Variants in VPS13A observed in about 807,000 individuals in gnomAD.
VPS13A encodes vacuolar protein sorting 13 homolog A.
VPS13A carries 264 observed loss-of-function variants against 390.9 expected under a neutral mutation model. That is an observed-to-expected ratio of 0.68 (90% CI 0.61 to 0.75). The LOEUF (loss-of-function observed/expected upper bound fraction) is 0.75. VPS13A is among the 30% of genes least tolerant of loss of function. The pLI, the probability that VPS13A is intolerant of heterozygous loss-of-function variation, is 0.00. For missense variants in VPS13A, 3,409 were observed against 3,733.9 expected, an observed-to-expected ratio of 0.91 and a Z score of 2.27; for synonymous variants, 1,231 against 1,227.1, an observed-to-expected ratio of 1.00 and a Z score of -0.07.
intron 67 of VPS13A, among the ~76,000 whole-genome samples, chr9:77,378,098 T>TA (rs948046419): frequency 1.3e-5 from 2 of 152,168 alleles, no homozygotes; most frequent in Non-Finnish European, 2.9e-5. Flanking sequence ...TGTATATTTA[T>TA]AAGGGATATT....
intron 1 of VPS13A, among the ~76,000 whole-genome samples, chr9:77,185,195 G>C (rs11145324): frequency 0.2 from 30,983 of 151,388 alleles, 3,373 homozygotes; most frequent in African/African-American, 0.25. Flanking sequence ...AGGCTGGAGT[G>C]CGGTGGCGCA....
In VPS13A at chr9:77,307,774, A is replaced by T. The variant is rs551360349; in HGVS notation, c.3961-171A>T. 9.8e-4 allele frequency among the ~76,000 whole-genome samples: 149 copies of T among 152,346 alleles called. 1 individual carries two copies. Among genetic ancestry groups the T allele is most frequent in the African/African-American group, 3.2e-3 (131 of 41,584 alleles). ...TAGTTCTATATTTCACAAGCTACTA[A>T]AGAGCACATGGTCATTTAGAAAACT... On this transcript the variant is annotated intron_variant, in intron 34 of 71. Transcript: ENST00000360280.
At chr9:77,280,593 A>G (rs1036549505) in intron 27 of VPS13A, among the ~76,000 whole-genome samples, 2 of 151,968 alleles carry the variant, frequency 1.3e-5, no homozygotes, top group Non-Finnish European at 2.9e-5. Flanking sequence ...CTGTTTTGTG[A>G]AGTTACTTGA....
intron 68 of VPS13A, among the ~76,000 whole-genome samples, chr9:77,399,598 T>C (rs1834284225): frequency 6.6e-6 from 1 of 152,218 alleles, no homozygotes; most frequent in Non-Finnish European, 1.5e-5. Context: ...ATTCTTGAGA[T>C]CAACATTTGT....
At chr9:77,247,511 G>C (rs748927877) in intron 20 of VPS13A, 116 bp downstream of exon 20, 34 of 1,112,074 alleles carry the variant, frequency 3.1e-5, no homozygotes, top group Non-Finnish European at 3.9e-5. Context: ...ATTTGTGGTA[G>C]ATAAGTAAGA....
At chr9:77,367,700 T>C (rs1418081931) in intron 61 of VPS13A, among the ~76,000 whole-genome samples, 1 of 152,148 alleles carries the variant, frequency 6.6e-6, no homozygotes, top group Non-Finnish European at 1.5e-5. Context: ...TCTTTATCAG[T>C]GTGTCAGACA....
At chr9:77,258,918 A>G (rs1440890975) in intron 22 of VPS13A, among the ~76,000 whole-genome samples, 1 of 152,052 alleles carries the variant, frequency 6.6e-6, no homozygotes, top group Non-Finnish European at 1.5e-5. Flanking sequence ...AGGGAAGAAA[A>G]GGGCAGCTTT....
In VPS13A at chr9:77,366,766, G is replaced by C; in HGVS notation, c.8365G>C (p.Ala2789Pro). 1 of 1,613,066 alleles carries C rather than the reference G, an allele frequency of 6.2e-7. No individual in the cohort carries two copies. Residue 2789 changes from alanine (A) to proline (P), a missense_variant, in exon 61 of 72, where the codon GCT (alanine) becomes CCT (proline). Transcript: ENST00000360280. Reference sequence around the variant, plus strand: ...TTCACTGAGTTCCGGCAGAGAAGAAGCTAAAGATTCAAAACAAAATGGAGG... The same window carrying C: ...TTCACTGAGTTCCGGCAGAGAAGAACCTAAAGATTCAAAACAAAATGGAGG... ...SVSLSSGREE[A>P]KDSKQNGGLI...
intron 68 of VPS13A, among the ~76,000 whole-genome samples, chr9:77,399,191 A>T (rs966832132): frequency 2.0e-4 from 29 of 144,530 alleles, no homozygotes; most frequent in East Asian, 1.2e-3. Flanking sequence ...TAAAAAAAAA[A>T]AAAAAAAAAA....
intron 68 of VPS13A, among the ~76,000 whole-genome samples, chr9:77,399,167 TAAAAAAAAAAA>T (rs763173093): frequency 3.1e-4 from 27 of 86,082 alleles, no homozygotes; most frequent in Non-Finnish European, 5.0e-4. Flanking sequence ...TAGAGTATAA[TAAAAAAAAAAA>T]AATAAAAAAA....
chr9:77,180,499 A>G (rs931663375), intron 1 of VPS13A, among the ~76,000 whole-genome samples: 15 of 152,182 alleles, frequency 9.9e-5, no homozygotes, highest in Non-Finnish European at 7.4e-5. Context: ...TTTGGTATTC[A>G]TATCTAAGAA....
Position 77,344,223 on chromosome 9 carries a change from C to T in VPS13A, c.7097C>T (p.Pro2366Leu). The T allele has an allele frequency of 6.2e-7, 1 of 1,613,060 alleles. No homozygotes were observed. The highest frequency in any genetic ancestry group is 8.5e-7 in the Non-Finnish European group (1 of 1,179,370). The change falls in exon 51 of 72, where the codon CCC becomes CTC. Residue 2366 changes from proline to leucine, a missense_variant. This residue lies in a region of VPS13A where 2,717 missense variants were observed against 2,917.4 expected (regional missense o/e 0.93). Coordinates refer to ENST00000360280, the MANE Select transcript of VPS13A (RefSeq NM_033305.3). ...LIQVERSEDP[P>L]KRIYFNKQEN... The stretch of plus-strand genomic sequence containing the variant: ...CAAGTCGAAAGGAGTGAAGATCCTC[C>T]CAAAAGGATATATTTTAACAAGCAG...
intron 46 of VPS13A, 81 bp from the exon 47 acceptor site, chr9:77,337,170 AGTTT>A: frequency 3.2e-6 from 4 of 1,256,806 alleles, no homozygotes; most frequent in Non-Finnish European, 4.4e-6. Flanking sequence ...AAAGGAGGTA[AGTTT>A]GTTATTCTAA....
chr9:77,346,447 T>C (rs1252712839), intron 52 of VPS13A, among the ~76,000 whole-genome samples: 1 of 152,226 alleles, frequency 6.6e-6, no homozygotes, highest in Admixed American at 6.5e-5. Context: ...GATGCATAGT[T>C]TGCAAATATT....
At chr9:77,277,381 C>T (rs950671511) in intron 26 of VPS13A, among the ~76,000 whole-genome samples, 5 of 152,192 alleles carry the variant, frequency 3.3e-5, no homozygotes, top group African/African-American at 1.2e-4. Context: ...TATCAACATC[C>T]TCCACTAGAG....
chr9:77,400,223 A>ATTTTTTTTTTTTTTTTTTTTTTT (rs34605855), intron 68 of VPS13A, among the ~76,000 whole-genome samples: 18 of 88,116 alleles, frequency 2.0e-4, no homozygotes, highest in African/African-American at 8.7e-4. Context: ...TATCAGTCAG[A>ATTTTTTTTTTTTTTTTTTTTTTT]TTTTTTTTTT....
chr9:77,212,068 A>G (rs1826003848), intron 7 of VPS13A, among the ~76,000 whole-genome samples: 1 of 152,172 alleles, frequency 6.6e-6, no homozygotes, highest in Non-Finnish European at 1.5e-5. Context: ...AGGTGATCCT[A>G]ATGCATGCTA....
Position 77,321,704 on chromosome 9 carries a change from G to T in VPS13A, c.5788G>T (p.Ala1930Ser). The T allele has an allele frequency of 6.2e-7, 1 of 1,613,234 alleles. No individual in the cohort carries two copies. The highest frequency in any genetic ancestry group is 1.1e-5 in the South Asian group (1 of 91,034). ...AACCAAGGACAATGATCATTTCAAT[G>T]CAATGACCAGCCTAAGCAGCAAACT... Reference protein sequence around the residue: ...IRTKDNDHFNAMTSLSSKLFF... With the variant: ...IRTKDNDHFNSMTSLSSKLFF... Residue 1930 changes from alanine to serine, a missense_variant, in exon 44 of 72, where the codon GCA becomes TCA. This residue lies in a region of VPS13A where 2,717 missense variants were observed against 2,917.4 expected (regional missense o/e 0.93). Coordinates refer to ENST00000360280, the MANE Select transcript of VPS13A (RefSeq NM_033305.3).
intron 52 of VPS13A, among the ~76,000 whole-genome samples, chr9:77,345,626 T>G (rs1210178889): frequency 2.6e-5 from 4 of 152,200 alleles, no homozygotes; most frequent in Non-Finnish European, 5.9e-5. Flanking sequence ...TTTTATTTGC[T>G]GTTATATCTT....
Sources: allele counts gnomAD v4.1 joint callset (sites outside exome capture counted in the v4.1 genomes callset), GRCh38; gene constraint gnomAD v4.1.1; regional missense constraint gnomAD v4.1.1; transcripts MANE v1.5; gene names NCBI Gene and HGNC (gene_info 2026-07-23, HGNC 2026-07-21).